C12orf50: variants seen among roughly 807,000 people sequenced by gnomAD.
C12orf50 encodes the protein uncharacterized protein C12orf50.
In C12orf50, 35 loss-of-function variants were observed where a neutral mutation model predicts 61.6. That is an observed-to-expected ratio of 0.57 (90% CI 0.43 to 0.75). The LOEUF (loss-of-function observed/expected upper bound fraction) is 0.75, where lower values mean the gene tolerates loss of function less well. Ranked by LOEUF, C12orf50 falls within the 30% of genes least tolerant of loss-of-function variation. The pLI is 0.00. For missense variants in C12orf50, 475 were observed against 488.5 expected (o/e 0.97, Z 0.26); for synonymous variants, 178 against 161.5 (o/e 1.10, Z -0.77).
chr12:88,016,415 C>T (rs2032313292), intron 3 of C12orf50, among the ~76,000 whole-genome samples: 1 of 152,064 alleles, frequency 6.6e-6, no homozygotes, highest in African/African-American at 2.4e-5. Context: ...TTATTATGGG[C>T]ATTGGTAGAT....
chr12:88,026,625 T>A lies in C12orf50; in HGVS notation c.13-17A>T. ...GCAGTTTTGCTAGATAAAAGGAGAT[T>A]GGGGGAAATGTAATGATTAGATGCC... On this transcript the variant is annotated splice_polypyrimidine_tract_variant and intron_variant, in intron 2 of 12. Transcript: ENST00000298699. The A allele has an allele frequency of 1.9e-6, 3 of 1,611,100 alleles. No homozygotes were observed. Among genetic ancestry groups the A allele is most frequent in the Non-Finnish European group, 2.5e-6 (3 of 1,179,710 alleles).
At chr12:87,992,140 G>A (rs1458273816) in intron 7 of C12orf50, among the ~76,000 whole-genome samples, 3 of 152,104 alleles carry the variant, frequency 2.0e-5, no homozygotes, top group African/African-American at 7.2e-5. Context: ...TGTTAGTGAG[G>A]CAACCTCAAG....
At chr12:88,007,311 A>G (rs978420711) in intron 3 of C12orf50, among the ~76,000 whole-genome samples, 3 of 152,176 alleles carry the variant, frequency 2.0e-5, no homozygotes, top group East Asian at 3.8e-4. Flanking sequence ...TGTTTACTAT[A>G]TTGTAACTGA....
At chr12:88,005,621 T>G (rs1366462808) in intron 3 of C12orf50, among the ~76,000 whole-genome samples, 1 of 152,160 alleles carries the variant, frequency 6.6e-6, no homozygotes, top group South Asian at 2.1e-4. Flanking sequence ...CTCTTTTTAT[T>G]TTATGTTATT....
intron 3 of C12orf50, among the ~76,000 whole-genome samples, chr12:88,002,326 C>T (rs565445078): frequency 6.6e-5 from 10 of 151,724 alleles, no homozygotes; most frequent in African/African-American, 2.4e-4. Context: ...CTTTTAAAAC[C>T]ATTATATTCA....
chr12:88,023,838 C>A (rs1400347940), intron 3 of C12orf50, among the ~76,000 whole-genome samples: 1 of 151,922 alleles, frequency 6.6e-6, no homozygotes, highest in East Asian at 1.9e-4. Context: ...AAGAAACTAC[C>A]AACAGAGTAA....
Position 87,996,615 on chromosome 12 carries a change from T to G in C12orf50, c.321A>C (p.Glu107Asp), listed in dbSNP as rs1250505188. Residue 107 changes from glutamate (E) to aspartate (D), a missense_variant, in exon 5 of 13, where the codon GAA becomes GAC. Glu to Asp is a conservative substitution (Grantham distance 45). Coordinates refer to ENST00000298699, the MANE Select transcript of C12orf50 (RefSeq NM_152589.3). ...DASSLWTKTP[E>D]EIEEKRAIKE... Reference sequence around the variant, plus strand: ...TTATTGCTCTTTTTTCTTCAATTTCTTCAGGGGTCTTTGTCCATAAACTAG... The same window carrying G: ...TTATTGCTCTTTTTTCTTCAATTTCGTCAGGGGTCTTTGTCCATAAACTAG... 1 of 1,609,956 alleles carries G rather than the reference T, an allele frequency of 6.2e-7. No individual in the cohort carries two copies. The highest frequency in any genetic ancestry group is 1.3e-5 in the African/African-American group (1 of 74,830).
intron 3 of C12orf50, among the ~76,000 whole-genome samples, chr12:88,023,095 A>C (rs1223408988): frequency 1.3e-5 from 2 of 152,174 alleles, no homozygotes; most frequent in African/African-American, 4.8e-5. Context: ...CATGTTACCC[A>C]ACTTCAAACT....
At position 87,998,035 on chromosome 12, in the gene C12orf50, C is replaced by T. The variant is rs2031489234; in HGVS notation, c.289G>A (p.Asp97Asn). The T allele has an allele frequency of 1.2e-6, 2 of 1,604,982 alleles. No homozygotes were observed. Among genetic ancestry groups the T allele is most frequent in the African/African-American group, 2.7e-5 (2 of 74,650 alleles). Residue 97 changes from aspartate to asparagine, a missense_variant and splice_region_variant, in exon 4 of 13, where the codon GAT (aspartate) becomes AAT (asparagine). By Grantham distance (23) the Asp-to-Asn change is conservative. Transcript: ENST00000298699. ...TAAACCTGAAAAAAGTTCTACTAAC[C>T]ATTTTGTTCATCTACTTCCTCTTCT... ...EEEEEVDEQN[D>N]ASSLWTKTPE...
chr12:88,003,290 A>C (rs1284721993), intron 3 of C12orf50, among the ~76,000 whole-genome samples: 1 of 151,932 alleles, frequency 6.6e-6, no homozygotes, highest in African/African-American at 2.4e-5. Context: ...AATGTAACAG[A>C]CTAAAAAAAA....
intron 3 of C12orf50, among the ~76,000 whole-genome samples, chr12:88,022,469 C>A (rs2032552031): frequency 6.6e-6 from 1 of 152,112 alleles, no homozygotes; most frequent in South Asian, 2.1e-4. Context: ...TCTGTCACCA[C>A]TCCTACTCAC....
chr12:88,023,069 TC>T (rs921840268), intron 3 of C12orf50, among the ~76,000 whole-genome samples: 10 of 151,936 alleles, frequency 6.6e-5, no homozygotes, highest in African/African-American at 2.4e-4. Context: ...AGCAAAAAGT[TC>T]AAAAAGGGAG....
chr12:87,999,374 G>A (rs2031556323), intron 3 of C12orf50, among the ~76,000 whole-genome samples: 1 of 152,116 alleles, frequency 6.6e-6, no homozygotes, highest in African/African-American at 2.4e-5. Flanking sequence ...GCATTTAGCC[G>A]AGATCATGCC....
At chr12:88,003,531 A>G in intron 3 of C12orf50, among the ~76,000 whole-genome samples, 1 of 151,930 alleles carries the variant, frequency 6.6e-6, no homozygotes, top group African/African-American at 2.4e-5. Flanking sequence ...GTTTTCTTTG[A>G]ATGTCTTTGT....
intron 3 of C12orf50, among the ~76,000 whole-genome samples, chr12:88,019,641 A>C (rs7309248): frequency 0.06 from 9,105 of 152,116 alleles, 954 homozygotes; most frequent in African/African-American, 0.21. Flanking sequence ...GAAAAAAAAA[A>C]CCAAGAACTA....
intron 11 of C12orf50, 188 bp from the exon 12 acceptor site, chr12:87,983,383 T>C (rs187935028): frequency 4.0e-4 from 147 of 364,624 alleles, no homozygotes; most frequent in African/African-American, 3.0e-3. Context: ...TGAGCATGTT[T>C]TTTTTTGTTT....
intron 3 of C12orf50, 110 bp from the exon 4 acceptor site, chr12:87,998,300 T>C (rs2031505612): frequency 5.4e-6 from 4 of 745,972 alleles, no homozygotes; most frequent in Non-Finnish European, 4.0e-6. Flanking sequence ...TTAAAATGTG[T>C]ACAATAATAA....
intron 4 of C12orf50, among the ~76,000 whole-genome samples, chr12:87,997,143 T>A (rs1373220870): frequency 6.7e-6 from 1 of 148,904 alleles, no homozygotes; most frequent in East Asian, 1.9e-4. Flanking sequence ...AAGGATGAAC[T>A]AAAATGCAAA....
chr12:87,994,599 AT>A, intron 7 of C12orf50, 33 bp downstream of exon 7: 1 of 1,360,874 alleles, frequency 7.3e-7, no homozygotes, highest in Non-Finnish European at 1.0e-6. Context: ...ATGTGGTGAT[AT>A]ATTCAGGGTC....
Sources: gnomAD v4.1 joint callset for allele counts (sites outside exome capture counted in the v4.1 genomes callset) on GRCh38, gnomAD v4.1.1 for gene constraint, MANE v1.5 for transcripts, NCBI Gene and HGNC (gene_info 2026-07-23, HGNC 2026-07-21) for gene names.